The following FAM3B variants were observed in gnomAD, a reference collection of about 807,000 sequenced individuals.
The protein encoded by FAM3B is FAM3 metabolism regulating signaling molecule B.
In FAM3B, 29 loss-of-function variants were observed where a neutral mutation model predicts 28.4. The ratio of observed to expected loss-of-function variants is 1.02; its 90% CI spans 0.76 to 1.39. The LOEUF is 1.39. Among genes scored for constraint, FAM3B ranks in the 40% most tolerant of loss-of-function variants. The pLI, the probability that FAM3B is intolerant of heterozygous loss-of-function variation, is 0.00. For missense variants in FAM3B, 266 were observed against 293.9 expected (o/e 0.91, Z 0.69); for synonymous variants, 91 against 103.0 (o/e 0.88, Z 0.71).
intron 1 of FAM3B, among the ~76,000 whole-genome samples, chr21:41,308,790 C>T (rs2088695437): frequency 1.3e-5 from 2 of 152,044 alleles, no homozygotes; most frequent in African/African-American, 4.8e-5. Context: ...CCGCCTGCCT[C>T]GGTTTTTCAC....
chr21:41,311,569 C>T lies in FAM3B; in HGVS notation n.99+7259C>T, dbSNP rs562541189. Among the ~76,000 whole-genome samples, 4 of 151,838 alleles carry T rather than the reference C, an allele frequency of 2.6e-5. No homozygotes were observed. The South Asian group carries it at 8.3e-4, about 32-fold the overall frequency. ...TAAACATAAATAGTTTTATGAAGAA[C>T]AGTTTTATTTTCCAAAACAAAATAT... is the stretch of plus-strand genomic sequence containing the variant. On this transcript the variant is annotated intron_variant and non_coding_transcript_variant, in intron 1 of 9. Transcript: ENST00000479810.
At chr21:41,305,061 G>A (rs1484533854) in intron 1 of FAM3B, among the ~76,000 whole-genome samples, 1 of 152,142 alleles carries the variant, frequency 6.6e-6, no homozygotes, top group Non-Finnish European at 1.5e-5. Context: ...ATTTGACCAC[G>A]TATATTTTCA....
rs369029304 is a variant in FAM3B, at chr21:41,344,481, T to C, written c.293T>C (p.Met98Thr). 6 of 1,613,928 alleles carry C rather than the reference T, an allele frequency of 3.7e-6. No individual in the cohort carries two copies. Among genetic ancestry groups the C allele is most frequent in the Non-Finnish European group, 4.2e-6 (5 of 1,179,886 alleles). The stretch of plus-strand genomic sequence containing the variant: ...AATGCTTAGCTCCATTTCAGACTTA[T>C]GGGAGAACAGCTGGGAAATGTTGCC... Reference protein sequence around the residue: ...AKICFEDNLLMGEQLGNVARG... With the variant: ...AKICFEDNLLTGEQLGNVARG... Residue 98 changes from methionine to threonine, a missense_variant, in exon 4 of 8, where the codon ATG (methionine) becomes ACG (threonine). Physicochemically the swap from Met to Thr is moderately conservative, Grantham distance 81 (BLOSUM62 -1). Transcript: ENST00000357985.
At chr21:41,320,935 C>T (rs8132556) in intron 1 of FAM3B, 3 of 152,030 alleles carry the variant, frequency 2.0e-5, no homozygotes, top group Non-Finnish European at 4.4e-5. Flanking sequence ...CTGGGGCCAC[C>T]GTTACCTATT....
At chr21:41,352,305 G>C (rs1216219581) in intron 7 of FAM3B, among the ~76,000 whole-genome samples, 1 of 152,120 alleles carries the variant, frequency 6.6e-6, no homozygotes, top group South Asian at 2.1e-4. Context: ...CATGCAGGGG[G>C]TGCCTTCACA....
At chr21:41,306,267 A>G (rs75896199) in intron 1 of FAM3B, among the ~76,000 whole-genome samples, 6,950 of 152,320 alleles carry the variant, frequency 0.046, 194 homozygotes, top group Middle Eastern at 0.068. Flanking sequence ...AAAGTTATCC[A>G]TGAGGGTTGG....
At chr21:41,323,345 T>C (rs905824240) in intron 2 of FAM3B, among the ~76,000 whole-genome samples, 2 of 152,178 alleles carry the variant, frequency 1.3e-5, no homozygotes, top group African/African-American at 4.8e-5. Context: ...AGATCTTGGC[T>C]TCCTCCCCTG....
At chr21:41,325,763 C>T (rs1377528349) in intron 2 of FAM3B, among the ~76,000 whole-genome samples, 3 of 152,348 alleles carry the variant, frequency 2.0e-5, no homozygotes, top group East Asian at 1.9e-4. Context: ...TCCCAGTCTA[C>T]ATATTCCTGT....
intron 7 of FAM3B, among the ~76,000 whole-genome samples, chr21:41,353,541 C>T (rs73905336): frequency 0.025 from 3,777 of 152,232 alleles, 144 homozygotes; most frequent in African/African-American, 0.085. Context: ...GCAACAGTGC[C>T]AAGATTATTT....
chr21:41,351,388 C>T (rs765073523), intron 7 of FAM3B, among the ~76,000 whole-genome samples: 9 of 152,158 alleles, frequency 5.9e-5, no homozygotes, highest in Non-Finnish European at 1.0e-4. Flanking sequence ...CAAGTTACTA[C>T]AGGAGTATAA....
chr21:41,319,230 G>A (rs1286627540), intron 1 of FAM3B, among the ~76,000 whole-genome samples: 1 of 152,134 alleles, frequency 6.6e-6, no homozygotes, highest in Admixed American at 6.6e-5. Context: ...GGACCCTCCT[G>A]AGACCCCTGT....
In FAM3B at chr21:41,338,590, A is replaced by G. The variant is rs989552271; in HGVS notation, c.287+89A>G. The G allele has an allele frequency of 1.2e-5, 18 of 1,535,346 alleles. No homozygotes were observed. The African/African-American group carries it at 2.3e-4, about 20-fold the overall frequency. On this transcript the variant is annotated intron_variant, in intron 3 of 7. Transcript: ENST00000357985. Reference sequence around the variant, plus strand: ...CTGACCAAGCAGCAGTTCTGCCCACAGGAGAGAACCATATGTCGTTGGTCT... The same window carrying G: ...CTGACCAAGCAGCAGTTCTGCCCACGGGAGAGAACCATATGTCGTTGGTCT...
At chr21:41,333,439 C>CAAA (rs1601360268) in intron 2 of FAM3B, among the ~76,000 whole-genome samples, 1 of 152,024 alleles carries the variant, frequency 6.6e-6, no homozygotes, top group South Asian at 2.1e-4. Context: ...TCTTGTTGTT[C>CAAA]AAAAATGTGT....
intron 1 of FAM3B, chr21:41,320,662 G>A: frequency 6.6e-6 from 1 of 152,302 alleles, no homozygotes; most frequent in Non-Finnish European, 1.5e-5. Context: ...CCCAGGAGGT[G>A]GTTCAGACTC....
rs1407047892 is a variant in FAM3B, at chr21:41,348,619, A to G, written c.513A>G (p.Ile171Met). ...TGAATAACGATGCCAAGAATGCCAT[A>G]GAAGCACTTGGAAGTAAAGAAATCA... ...TRLNNDAKNA[I>M]EALGSKEIRN... is the part of the protein sequence containing the mutation. The change falls in exon 7 of 8, where the codon ATA becomes ATG. Residue 171 changes from isoleucine (I) to methionine (M), a missense_variant. Transcript: ENST00000357985. 2.5e-6 allele frequency: 4 copies of G among 1,614,142 alleles called. No individual in the cohort carries two copies. The highest frequency in any genetic ancestry group is 1.7e-5 in the Admixed American group (1 of 60,014).
intron 7 of FAM3B, 92 bp from the exon 8 acceptor site, chr21:41,357,016 A>G: frequency 1.3e-6 from 1 of 750,470 alleles, no homozygotes; most frequent in Non-Finnish European, 2.0e-6. Flanking sequence ...ATCCAAATCT[A>G]GGAAGTGGTT....
intron 3 of FAM3B, among the ~76,000 whole-genome samples, chr21:41,340,152 C>CTTT (rs954999865): frequency 2.4e-5 from 3 of 127,150 alleles, no homozygotes; most frequent in Non-Finnish European, 5.1e-5. Flanking sequence ...CTGAAGTTGT[C>CTTT]TTTTTTTTTT....
chr21:41,344,652 C>A, intron 4 of FAM3B, 118 bp downstream of exon 4: 1 of 731,488 alleles, frequency 1.4e-6, no homozygotes, highest in Non-Finnish European at 2.4e-6. Flanking sequence ...TATTTTAATG[C>A]ATTTTAAGAT....
At chr21:41,306,343 C>A (rs1271174325) in intron 1 of FAM3B, among the ~76,000 whole-genome samples, 2 of 152,218 alleles carry the variant, frequency 1.3e-5, no homozygotes, top group Non-Finnish European at 2.9e-5. Flanking sequence ...CACAAATGTT[C>A]TTAATGGCGT....
Sources: gnomAD v4.1 joint callset for allele counts (sites outside exome capture counted in the v4.1 genomes callset) on GRCh38, gnomAD v4.1.1 for gene constraint, MANE v1.5 for transcripts, NCBI Gene and HGNC (gene_info 2026-07-23, HGNC 2026-07-21) for gene names.